The following ANO10 variants were observed in gnomAD, a reference collection of about 807,000 sequenced individuals.
The protein encoded by ANO10 is anoctamin 10.
ANO10 carries 77 observed loss-of-function variants against 74.7 expected under a neutral mutation model. The observed-to-expected ratio is 1.03, with a 90% CI of 0.86 to 1.25. ANO10 has a LOEUF of 1.25. Among genes scored for constraint, ANO10 ranks in the 50% most tolerant of loss-of-function variants. ANO10 has a pLI of 0.00. For synonymous variants in ANO10, 279 were observed against 284.9 expected (o/e 0.98, Z 0.21); for missense variants, 721 against 778.1 (o/e 0.93, Z 0.87).
chr3:43,644,496 T>C (rs1384465090), intron 1 of ANO10, among the ~76,000 whole-genome samples: 2 of 152,122 alleles, frequency 1.3e-5, no homozygotes, highest in South Asian at 2.1e-4. Flanking sequence ...GCACGCACAG[T>C]GTGTCTGTGC....
intron 11 of ANO10, among the ~76,000 whole-genome samples, chr3:43,519,956 G>A (rs2077877463): frequency 6.6e-6 from 1 of 152,112 alleles, no homozygotes; most frequent in African/African-American, 2.4e-5. Context: ...GAGGTCCACA[G>A]GAATAACCAA....
At chr3:43,429,532 T>C (rs2092949823) in intron 12 of ANO10, among the ~76,000 whole-genome samples, 2 of 152,106 alleles carry the variant, frequency 1.3e-5, no homozygotes, top group Admixed American at 1.3e-4. Flanking sequence ...TCACCAGAAA[T>C]GCAATCAATG....
At position 43,640,244 on chromosome 3, in the gene ANO10, C is replaced by G. The variant is rs937389100; in HGVS notation, c.-11-34381G>C. Among the ~76,000 whole-genome samples the G allele has an allele frequency of 2.0e-5, 3 of 152,170 alleles. No homozygotes were observed. In the East Asian group the frequency reaches 5.8e-4, roughly 29 times the overall value. On this transcript the variant is annotated intron_variant, in intron 1 of 3. Transcript: ENST00000413397. ...GAAGAAAAGGTTAAAAAATATACCC[C>G]CAGCTTATAATGTGGAAAGAGTTTA...
intron 11 of ANO10, among the ~76,000 whole-genome samples, chr3:43,513,392 T>C (rs771996867): frequency 2.6e-5 from 4 of 152,100 alleles, no homozygotes; most frequent in Non-Finnish European, 4.4e-5. Flanking sequence ...CTTTGTAAAA[T>C]AAAGATGTAT....
intron 8 of ANO10, among the ~76,000 whole-genome samples, chr3:43,563,799 A>G (rs1444828492): frequency 6.6e-6 from 1 of 152,124 alleles, no homozygotes; most frequent in African/African-American, 2.4e-5. Context: ...GAGCTAAAAA[A>G]GTTGATCTCA....
intron 7 of ANO10, among the ~76,000 whole-genome samples, chr3:43,568,964 G>A (rs1332951521): frequency 3.5e-5 from 5 of 142,882 alleles, no homozygotes; most frequent in Non-Finnish European, 4.6e-5. Flanking sequence ...AAAAAAGAGA[G>A]AAGAATCAAA....
At chr3:43,396,370 G>A (rs952567314) in intron 12 of ANO10, among the ~76,000 whole-genome samples, 4 of 151,454 alleles carry the variant, frequency 2.6e-5, no homozygotes, top group Non-Finnish European at 5.9e-5. Flanking sequence ...ATGGAGTCTC[G>A]CTCTGTCGCC....
chr3:43,373,715 G>A (rs180721406), intron 12 of ANO10, among the ~76,000 whole-genome samples: 19 of 152,300 alleles, frequency 1.2e-4, no homozygotes, highest in Middle Eastern at 3.4e-3. Flanking sequence ...CATTCTGACC[G>A]CTTCTGGAAC....
chr3:43,424,366 T>C (rs553167569), intron 12 of ANO10, among the ~76,000 whole-genome samples: 1 of 152,370 alleles, frequency 6.6e-6, no homozygotes, highest in South Asian at 2.1e-4. Context: ...GAAACAAAGA[T>C]GATTAACAGT....
chr3:43,575,886 C>T (rs146784667), intron 6 of ANO10, among the ~76,000 whole-genome samples: 167 of 152,300 alleles, frequency 1.1e-3, no homozygotes, highest in Non-Finnish European at 1.8e-3. Context: ...ATCTGCCCAC[C>T]TCAGCCTCCC....
chr3:43,668,220 T>C (rs1315946362), intron 1 of ANO10, among the ~76,000 whole-genome samples: 2 of 152,154 alleles, frequency 1.3e-5, no homozygotes, highest in African/African-American at 4.8e-5. Context: ...TTGTTGGCTG[T>C]TTGTATATCT....
At chr3:43,444,713 CGA>C (rs779821549) in intron 11 of ANO10, among the ~76,000 whole-genome samples, 52 of 152,106 alleles carry the variant, frequency 3.4e-4, no homozygotes, top group Admixed American at 5.9e-4. Flanking sequence ...AACACACAAT[CGA>C]CCTCCTGTGG....
At chr3:43,603,943 T>A (rs879462233) in intron 2 of ANO10, among the ~76,000 whole-genome samples, 1 of 152,186 alleles carries the variant, frequency 6.6e-6, no homozygotes, top group Non-Finnish European at 1.5e-5. Flanking sequence ...ATTCAGTATC[T>A]TATTTTCAGT....
Position 43,402,798 on chromosome 3 carries a change from T to TA in ANO10, c.1914+29812dup, listed in dbSNP as rs137920779. Among the ~76,000 whole-genome samples the TA allele has an allele frequency of 1.9e-3, 285 of 152,254 alleles. 2 individuals are homozygous for TA. Among genetic ancestry groups the TA allele is most frequent in the East Asian group, 9.1e-3 (47 of 5,180 alleles). On this transcript the variant is annotated intron_variant, in intron 12 of 12. Coordinates refer to ENST00000292246, the MANE Select transcript of ANO10 (RefSeq NM_018075.5). ...TAAAAACATGCCTTAGTGTCCCTAT[T>TA]AAAAACAACTGAACAGTAGACCACT...
chr3:43,494,773 A>G (rs926586217), intron 11 of ANO10, among the ~76,000 whole-genome samples: 4 of 152,158 alleles, frequency 2.6e-5, no homozygotes, highest in Admixed American at 1.3e-4. Context: ...AGGATATGTA[A>G]TAAGTCATTG....
intron 4 of ANO10, among the ~76,000 whole-genome samples, chr3:43,594,647 C>T (rs1188187796): frequency 6.6e-6 from 1 of 152,202 alleles, no homozygotes; most frequent in African/African-American, 2.4e-5. Context: ...TAAATGCCCA[C>T]AAGAGAAAGC....
chr3:43,459,941 T>C (rs1355220895), intron 11 of ANO10, among the ~76,000 whole-genome samples: 1 of 152,114 alleles, frequency 6.6e-6, no homozygotes, highest in African/African-American at 2.4e-5. Flanking sequence ...ATCAGGAAAA[T>C]TATAAACTAC....
At chr3:43,624,204 C>T (rs2083472941), upstream of ANO10, among the ~76,000 whole-genome samples, 1 of 152,128 alleles carries the variant, frequency 6.6e-6, no homozygotes, top group African/African-American at 2.4e-5. Flanking sequence ...TTCAATACCC[C>T]CACTGGATGC....
chr3:43,475,040 G>C (rs2076012081), intron 11 of ANO10, among the ~76,000 whole-genome samples: 1 of 152,168 alleles, frequency 6.6e-6, no homozygotes, highest in Non-Finnish European at 1.5e-5. Context: ...AAAACTACTG[G>C]TGTTAACATT....
Sources: gnomAD v4.1 joint callset for allele counts (sites outside exome capture counted in the v4.1 genomes callset) on GRCh38, gnomAD v4.1.1 for gene constraint, MANE v1.5 for transcripts, NCBI Gene and HGNC (gene_info 2026-07-23, HGNC 2026-07-21) for gene names.